PDILT: variants seen among roughly 807,000 people sequenced by gnomAD.
The protein encoded by PDILT is protein disulfide isomerase like, testis expressed.
In PDILT, 43 loss-of-function variants were observed where a neutral mutation model predicts 53.7. The observed-to-expected ratio is 0.80, with a 90% CI of 0.63 to 1.03. PDILT has a LOEUF of 1.03. PDILT is among the 50% of genes least tolerant of loss of function. The pLI is 0.00. For synonymous variants in PDILT, 282 were observed against 274.2 expected (o/e 1.03, Z -0.28); for missense variants, 727 against 712.3 (o/e 1.02, Z -0.24).
intron 3 of PDILT, among the ~76,000 whole-genome samples, chr16:20,382,957 T>C (rs999608565): frequency 6.6e-6 from 1 of 152,168 alleles, no homozygotes; most frequent in Non-Finnish European, 1.5e-5. Flanking sequence ...TGTAATTCTT[T>C]GAGGCGAGGG....
In PDILT at chr16:20,360,590, G is replaced by T; in HGVS notation, c.1484C>A (p.Thr495Asn). The part of the protein sequence containing the change: ...FSDFLESHIK[T>N]KIEDEDELLS... Reference sequence around the variant, plus strand: ...TACCTCATCCTCATCCTCAATCTTAGTTTTGATGTGGCTTTCCAGGAAGTC... The same window carrying T: ...TACCTCATCCTCATCCTCAATCTTATTTTTGATGTGGCTTTCCAGGAAGTC... Residue 495 changes from threonine (T) to asparagine (N), a missense_variant, in exon 11 of 12, where the codon ACT becomes AAT. Coordinates refer to ENST00000302451, the MANE Select transcript of PDILT (RefSeq NM_174924.2). The T allele has an allele frequency of 1.2e-6, 2 of 1,613,988 alleles. No homozygotes were observed. The highest frequency in any genetic ancestry group is 1.7e-6 in the Non-Finnish European group (2 of 1,179,846).
chr16:20,372,504 T>A (rs1266848357), intron 7 of PDILT, among the ~76,000 whole-genome samples: 1 of 152,064 alleles, frequency 6.6e-6, no homozygotes, highest in African/African-American at 2.4e-5. Flanking sequence ...TAGTGGTCCA[T>A]CAAAAAAGCA....
chr16:20,378,614 C>A (rs894160782), intron 3 of PDILT, among the ~76,000 whole-genome samples: 6 of 152,164 alleles, frequency 3.9e-5, no homozygotes, highest in Admixed American at 3.9e-4. Flanking sequence ...TTCCCTCGCC[C>A]TCCACTCCCA....
chr16:20,389,585 T>C lies in PDILT; in HGVS notation c.203-4734A>G, dbSNP rs188932363. On this transcript the variant is annotated intron_variant, in intron 2 of 11. Coordinates refer to ENST00000302451, the MANE Select transcript of PDILT (RefSeq NM_174924.2). ...TCCACCACAAGTTCTAGGCCTATTA[T>C]GGAGCTCTCACATGGGTTTCAGGGT... Among the ~76,000 whole-genome samples the C allele has an allele frequency of 3.5e-4, 54 of 152,240 alleles. No individual in the cohort carries two copies. In the East Asian group the frequency reaches 9.7e-3, roughly 27 times the overall value.
chr16:20,384,941 G>T, intron 2 of PDILT, 90 bp from the exon 3 acceptor site: 1 of 1,299,978 alleles, frequency 7.7e-7, no homozygotes, highest in Non-Finnish European at 1.1e-6. Context: ...TTAGCTCCCG[G>T]AACCTTTCTT....
At chr16:20,377,980 G>GAAAT (rs1377311338) in intron 3 of PDILT, among the ~76,000 whole-genome samples, 2 of 151,626 alleles carry the variant, frequency 1.3e-5, no homozygotes, top group Non-Finnish European at 2.9e-5. Flanking sequence ...AAGAAAGAAA[G>GAAAT]AAAAGAATGC....
chr16:20,369,425 C>A, intron 8 of PDILT, 67 bp downstream of exon 8: 1 of 1,520,118 alleles, frequency 6.6e-7, no homozygotes, highest in East Asian at 2.3e-5. Flanking sequence ...ATTATCAAGG[C>A]CAACAGAATT....
chr16:20,381,167 A>C (rs1392291447), intron 3 of PDILT, among the ~76,000 whole-genome samples: 2 of 152,210 alleles, frequency 1.3e-5, no homozygotes, highest in Non-Finnish European at 1.5e-5. Flanking sequence ...CAATCCTTGG[A>C]GATTAGATGA....
intron 2 of PDILT, among the ~76,000 whole-genome samples, chr16:20,393,277 C>T (rs1250528708): frequency 1.3e-5 from 2 of 152,164 alleles, no homozygotes; most frequent in Admixed American, 6.5e-5. Flanking sequence ...GCCTGCCGTG[C>T]TCACAGGCTC....
chr16:20,362,542 C>G lies in PDILT; in HGVS notation c.1278G>C (p.Leu426=), dbSNP rs779690891. 10 of 1,613,992 alleles carry G rather than the reference C, an allele frequency of 6.2e-6. No homozygotes were observed. The highest frequency in any genetic ancestry group is 8.5e-6 in the Non-Finnish European group (10 of 1,180,036). ...GATATTTTCTGCCCAATTCCTCCAACAGTGGGAACAGCATCTTGCACTTTT... is the reference window on the plus strand; with the variant it reads ...GATATTTTCTGCCCAATTCCTCCAAGAGTGGGAACAGCATCTTGCACTTTT... The part of the protein sequence containing the change: ...WSKKCKMLFP[L]LEELGRKYQN... The change falls in exon 10 of 12, where the codon CTG becomes CTC. Residue 426 remains leucine, a synonymous_variant. Coordinates refer to ENST00000302451, the MANE Select transcript of PDILT (RefSeq NM_174924.2).
intron 8 of PDILT, among the ~76,000 whole-genome samples, chr16:20,368,551 T>C (rs1048032200): frequency 2.0e-5 from 3 of 152,024 alleles, no homozygotes; most frequent in Non-Finnish European, 4.4e-5. Context: ...GGGACCATCA[T>C]TTGGGTTTGT....
chr16:20,403,443 C>A (rs28445933), intron 1 of PDILT, among the ~76,000 whole-genome samples: 1 of 152,042 alleles, frequency 6.6e-6, no homozygotes, highest in South Asian at 2.1e-4. Flanking sequence ...GCACCCGCCA[C>A]CATGCCCGGC....
Position 20,362,425 on chromosome 16 carries a change from C to G in PDILT, c.1395G>C (p.Leu465=). Residue 465 remains leucine, a synonymous_variant, in exon 10 of 12, where the codon CTG becomes CTC. Coordinates refer to ENST00000302451, the MANE Select transcript of PDILT (RefSeq NM_174924.2). ...TCACTTGTTGAGAGCCGCTGGGGAA[C>G]AGCCTGAAGAATGGGTACCGGTCCA... ...MYLDRYPFFR[L]FPSGSQQAVL... The G allele has an allele frequency of 6.2e-7, 1 of 1,614,188 alleles. No individual in the cohort carries two copies. The highest frequency in any genetic ancestry group is 1.6e-4 in the Middle Eastern group (1 of 6,062).
intron 8 of PDILT, among the ~76,000 whole-genome samples, chr16:20,367,212 C>T (rs991042055): frequency 2.0e-5 from 3 of 151,892 alleles, no homozygotes; most frequent in Non-Finnish European, 4.4e-5. Flanking sequence ...AAGCGATTCT[C>T]CTGCCTCAGC....
intron 10 of PDILT, 51 bp from the exon 11 acceptor site, chr16:20,360,708 T>G (rs370256139): frequency 1.5e-5 from 20 of 1,357,326 alleles, no homozygotes; most frequent in Non-Finnish European, 1.9e-5. Flanking sequence ...CCCGCAGAGA[T>G]GCTCGAGGAT....
At chr16:20,401,859 T>C (rs1438181884) in intron 1 of PDILT, among the ~76,000 whole-genome samples, 1 of 152,248 alleles carries the variant, frequency 6.6e-6, no homozygotes, top group Admixed American at 6.5e-5. Context: ...CCTGAGTTCC[T>C]GATCAAGGAA....
At chr16:20,382,008 C>A (rs746867215) in intron 3 of PDILT, among the ~76,000 whole-genome samples, 1 of 152,168 alleles carries the variant, frequency 6.6e-6, no homozygotes, top group Non-Finnish European at 1.5e-5. Context: ...AAGCAATTCT[C>A]CCACCTCAGC....
At chr16:20,387,292 G>T (rs374929536) in intron 2 of PDILT, among the ~76,000 whole-genome samples, 2 of 152,236 alleles carry the variant, frequency 1.3e-5, no homozygotes, top group South Asian at 2.1e-4. Context: ...TAGGGAAATT[G>T]CAAGTTTAAG....
intron 1 of PDILT, among the ~76,000 whole-genome samples, chr16:20,403,904 G>C (rs1263868021): frequency 1.3e-5 from 2 of 151,844 alleles, no homozygotes; most frequent in Admixed American, 6.6e-5. Flanking sequence ...GCCTTTTCTG[G>C]TTCTCTGGGT....
Sources: allele counts gnomAD v4.1 joint callset (sites outside exome capture counted in the v4.1 genomes callset), GRCh38; gene constraint gnomAD v4.1.1; transcripts MANE v1.5; gene names NCBI Gene and HGNC (gene_info 2026-07-23, HGNC 2026-07-21).